Variants in ECE1 observed in about 807,000 individuals in gnomAD.
ECE1 encodes endothelin-converting enzyme 1.
ECE1 carries 35 observed loss-of-function variants against 98.6 expected under a neutral mutation model. That is an observed-to-expected ratio of 0.35 (90% CI 0.27 to 0.47). The LOEUF (loss-of-function observed/expected upper bound fraction) is 0.47, where lower values mean the gene tolerates loss of function less well. Ranked by LOEUF, ECE1 falls within the 20% of genes least tolerant of loss-of-function variation. The pLI, the probability that ECE1 is intolerant of heterozygous loss-of-function variation, is 1.00. For synonymous variants in ECE1, 394 were observed against 407.1 expected (o/e 0.97, Z 0.39); for missense variants, 814 against 1,025.3 (o/e 0.79, Z 2.81).
At position 21,258,583 on chromosome 1, in the gene ECE1, C is replaced by A. The variant is rs113718655; in HGVS notation, c.762+110G>T. 9 of 1,493,512 alleles carry A rather than the reference C, an allele frequency of 6.0e-6. No homozygotes were observed. The highest frequency in any genetic ancestry group is 4.1e-5 in the African/African-American group (3 of 72,330). 92.5% of individuals were successfully genotyped at this position (1,493,512 alleles called of 1,614,324 possible). A position where few individuals can be genotyped will look rare whatever the true frequency, so the allele number is the denominator to read the frequency against. On this transcript the variant is annotated intron_variant, in intron 6 of 18. Transcript: ENST00000374893. This position sits in a 1 kb window ranked among gnomAD's most constrained non-coding sequence, Gnocchi z 4.2. ...TAACCCAGGCTCAGAAACTAGAAGA[C>A]CGCCGTCCCACCCAGGGCAAGCCCC...
At chr1:21,326,650 T>C (rs1329236289) in intron 1 of ECE1, among the ~76,000 whole-genome samples, 1 of 151,854 alleles carries the variant, frequency 6.6e-6, no homozygotes, top group Non-Finnish European at 1.5e-5. Context: ...TGGAGCAGCG[T>C]AGGGAGGTGG....
chr1:21,313,902 G>A (rs213011), intron 1 of ECE1, among the ~76,000 whole-genome samples: 15,628 of 152,156 alleles, frequency 0.1, 1,043 homozygotes, highest in East Asian at 0.36. Flanking sequence ...CACGGAGAAC[G>A]GGTACGAGCA....
At chr1:21,224,728 G>A (rs551087329) in intron 17 of ECE1, among the ~76,000 whole-genome samples, 2 of 152,268 alleles carry the variant, frequency 1.3e-5, no homozygotes, top group South Asian at 4.1e-4. Context: ...GTGTCTCTCT[G>A]GGTCAGCCCG....
rs544572182 is a variant in ECE1, at chr1:21,219,653, T to C, written c.*302A>G. On this transcript the variant is annotated 3_prime_UTR_variant, in exon 19 of 19. Transcript: ENST00000374893. This position sits in a 1 kb window ranked among gnomAD's most constrained non-coding sequence, Gnocchi z 4.5. The stretch of plus-strand genomic sequence containing the variant: ...TTGAAAGCATTTGACACAGTGGTAT[T>C]TGTGGCGTATCTGGCGCTTGTCAGT... 1.1e-4 allele frequency: 53 copies of C among 466,496 alleles called. No homozygotes were observed. The highest frequency in any genetic ancestry group is 9.5e-4 in the African/African-American group (49 of 51,728). The allele number at this position is 466,496 out of a possible 1,614,324, so 28.9% of individuals were successfully genotyped here.
intron 1 of ECE1, among the ~76,000 whole-genome samples, chr1:21,300,281 G>A (rs1282394468): frequency 6.6e-6 from 1 of 152,262 alleles, no homozygotes; most frequent in African/African-American, 2.4e-5. Context: ...CAGGCTTGGA[G>A]TCAGGTGGGT....
At chr1:21,236,286 C>A (rs766773138) in intron 12 of ECE1, among the ~76,000 whole-genome samples, 1 of 152,258 alleles carries the variant, frequency 6.6e-6, no homozygotes, top group Non-Finnish European at 1.5e-5. Context: ...TTGAGGCCTA[C>A]CCCGAATCCT....
rs2098186822 is a variant in ECE1 at position 21,235,477 on chromosome 1, C to A, written c.1566+373G>T. Reference sequence around the variant, plus strand: ...GGTGTGGGGGTTTTCCCACTTCATACCCCACCCCTGATGTCTGAGGGCCAC... The same window carrying A: ...GGTGTGGGGGTTTTCCCACTTCATAACCCACCCCTGATGTCTGAGGGCCAC... On this transcript the variant is annotated intron_variant, in intron 13 of 18. Coordinates refer to ENST00000374893, the MANE Select transcript of ECE1 (RefSeq NM_001397.3). The surrounding 1 kb of genome is among the most constrained non-coding windows in gnomAD (Gnocchi z 4.2). 6.6e-6 allele frequency among the ~76,000 whole-genome samples: 1 copy of A among 152,076 alleles called. No homozygotes were observed. The highest frequency in any genetic ancestry group is 2.4e-5 in the African/African-American group (1 of 41,346).
rs1351373810 is a variant in ECE1, at chr1:21,290,104, A to C, written c.104T>G (p.Leu35Arg). The part of the protein sequence containing the change: ...TLDEEDLVDS[L>R]SEGDAYPNGL... ...GTTGGGGTATGCGTCGCCCTCGGAG[A>C]GCGAGTCCACCAGGTCCTCCTCGTC... The change falls in exon 2 of 19, where the codon CTC becomes CGC. Residue 35 changes from leucine to arginine, a missense_variant. Physicochemically the swap from Leu to Arg is moderately radical, Grantham distance 102 (BLOSUM62 -2). This residue lies in a region of ECE1 where 257 missense variants were observed against 278.9 expected (regional missense o/e 0.92). Coordinates refer to ENST00000374893, the MANE Select transcript of ECE1 (RefSeq NM_001397.3). This position sits in a 1 kb window ranked among gnomAD's most constrained non-coding sequence, Gnocchi z 7.3. 6.4e-7 allele frequency: 1 copy of C among 1,551,254 alleles called. No homozygotes were observed. The highest frequency in any genetic ancestry group is 8.7e-7 in the Non-Finnish European group (1 of 1,149,256).
chr1:21,279,313 C>A lies in ECE1; in HGVS notation c.158G>T (p.Arg53Leu). ...TGCAGCCCAGCACCTCTGGCCACTCCGGGGGCTGTGGAAGTTCACCTGCAG... is the reference window on the plus strand; with the variant it reads ...TGCAGCCCAGCACCTCTGGCCACTCAGGGGGCTGTGGAAGTTCACCTGCAG... ...NGLQVNFHSP[R>L]SGQRCWAART... is the part of the protein sequence containing the mutation. The change falls in exon 3 of 19, where the codon CGG (arginine) becomes CTG (leucine). Residue 53 changes from arginine (R) to leucine (L), a missense_variant. By Grantham distance (102) the Arg-to-Leu change is moderately radical (BLOSUM62 -2). Around this residue, in one of 3 missense-constraint regions of ECE1, gnomAD observed 257 missense variants for 278.9 expected, o/e 0.92. Coordinates refer to ENST00000374893, the MANE Select transcript of ECE1 (RefSeq NM_001397.3). 6.2e-7 allele frequency: 1 copy of A among 1,614,156 alleles called. No homozygotes were observed. Among genetic ancestry groups the A allele is most frequent in the Non-Finnish European group, 8.5e-7 (1 of 1,180,016 alleles).
At chr1:21,259,128 C>T (rs776741497) in intron 5 of ECE1, among the ~76,000 whole-genome samples, 7 of 152,030 alleles carry the variant, frequency 4.6e-5, no homozygotes, top group Non-Finnish European at 8.8e-5. Context: ...TCCCGGTTCA[C>T]GGTTTATATT....
In ECE1 at chr1:21,290,004, G is replaced by GGGGGGGGGGGGGGC; in HGVS notation, c.138+65_138+66insGCCCCCCCCCCCCC. 1.6e-6 allele frequency: 2 copies of GGGGGGGGGGGGGGC among 1,255,546 alleles called. No individual in the cohort carries two copies. Among genetic ancestry groups the GGGGGGGGGGGGGGC allele is most frequent in the Non-Finnish European group, 2.0e-6 (2 of 993,470 alleles). 77.8% of individuals were successfully genotyped at this position (1,255,546 alleles called of 1,614,324 possible). ...GGGGTAGGTAGGGGCGGGGGGCGCG[G>GGGGGGGGGGGGGGC]CAGCGGCAGCGCGCATGCCCGGGCC... is the stretch of plus-strand genomic sequence containing the variant. On this transcript the variant is annotated intron_variant, in intron 2 of 18. Coordinates refer to ENST00000374893, the MANE Select transcript of ECE1 (RefSeq NM_001397.3). This position sits in a 1 kb window ranked among gnomAD's most constrained non-coding sequence, Gnocchi z 7.3.
intron 15 of ECE1, among the ~76,000 whole-genome samples, chr1:21,227,499 C>A (rs1297805077): frequency 2.6e-5 from 4 of 152,178 alleles, no homozygotes; most frequent in Non-Finnish European, 4.4e-5. Flanking sequence ...TCAGTCATTG[C>A]GAAAGCGTTA....
At chr1:21,312,145 T>G (rs1049296311) in intron 1 of ECE1, among the ~76,000 whole-genome samples, 3 of 149,854 alleles carry the variant, frequency 2.0e-5, no homozygotes, top group South Asian at 4.2e-4. Context: ...AAAAAAATTT[T>G]TTTTTTAATT....
chr1:21,233,321 C>T lies in ECE1; in HGVS notation c.1670+237G>A, dbSNP rs2098184116. On this transcript the variant is annotated intron_variant, in intron 14 of 18. Transcript: ENST00000374893. This position sits in a 1 kb window ranked among gnomAD's most constrained non-coding sequence, Gnocchi z 4.0. ...TCGGCTCCGCTCCAGAGGCCAGGCTCACCCTGCCAACAGGCTGGGCAGGCT... is the reference window on the plus strand; with the variant it reads ...TCGGCTCCGCTCCAGAGGCCAGGCTTACCCTGCCAACAGGCTGGGCAGGCT... 2.0e-6 allele frequency: 1 copy of T among 490,748 alleles called. No homozygotes were observed. The highest frequency in any genetic ancestry group is 3.3e-5 in the Admixed American group (1 of 30,038). 30.4% of individuals were successfully genotyped at this position (490,748 alleles called of 1,614,324 possible).
intron 1 of ECE1, among the ~76,000 whole-genome samples, chr1:21,315,002 G>T (rs778961720): frequency 6.6e-6 from 1 of 152,168 alleles, no homozygotes; most frequent in Non-Finnish European, 1.5e-5. Flanking sequence ...CCATCTGTAT[G>T]TATCTGTAGT....
chr1:21,311,380 A>G (rs778302089), intron 1 of ECE1, among the ~76,000 whole-genome samples: 1 of 152,076 alleles, frequency 6.6e-6, no homozygotes, highest in African/African-American at 2.4e-5. Flanking sequence ...CAAGTGAGAA[A>G]AGAGCATGCG....
chr1:21,290,079 G>A lies in ECE1; in HGVS notation c.129C>T (p.Asn43=), dbSNP rs778533896. Residue 43 remains asparagine (N), a synonymous_variant, in exon 2 of 19, where the codon AAC becomes AAT. Coordinates refer to ENST00000374893, the MANE Select transcript of ECE1 (RefSeq NM_001397.3). The surrounding 1 kb of genome is among the most constrained non-coding windows in gnomAD (Gnocchi z 7.3). ...DSLSEGDAYP[N]GLQVNFHSPR... is the part of the protein sequence containing the mutation. The stretch of plus-strand genomic sequence containing the variant: ...AGCGGAGGGCGCCTACCTGCAGGCC[G>A]TTGGGGTATGCGTCGCCCTCGGAGA... 1.8e-5 allele frequency: 28 copies of A among 1,514,112 alleles called. No homozygotes were observed. The highest frequency in any genetic ancestry group is 2.2e-5 in the Non-Finnish European group (25 of 1,127,492). 93.8% of individuals were successfully genotyped at this position (1,514,112 alleles called of 1,614,324 possible).
At chr1:21,301,483 A>T (rs12084172) in intron 1 of ECE1, among the ~76,000 whole-genome samples, 7 of 150,394 alleles carry the variant, frequency 4.7e-5, no homozygotes, top group African/African-American at 1.7e-4. Context: ...CGACAGCGAG[A>T]CTCCGTCTCA....
intron 1 of ECE1, among the ~76,000 whole-genome samples, chr1:21,325,494 T>G (rs1473803953): frequency 6.6e-6 from 1 of 152,184 alleles, no homozygotes; most frequent in East Asian, 1.9e-4. Flanking sequence ...GCTGGCCTCC[T>G]CCCTCCTCGC....
Sources: gnomAD v4.1 joint callset for allele counts (sites outside exome capture counted in the v4.1 genomes callset) on GRCh38, gnomAD v4.1.1 for gene constraint, gnomAD v4.1.1 regional missense constraint, Gnocchi (gnomAD v3.1) non-coding constraint, MANE v1.5 for transcripts, NCBI Gene and HGNC (gene_info 2026-07-23, HGNC 2026-07-21) for gene names.